LRP1B: variants seen among roughly 807,000 people sequenced by gnomAD.
LRP1B encodes LDL receptor related protein 1B.
Under a neutral mutation model 556.6 loss-of-function variants are expected in LRP1B, and 217 were observed. The ratio of observed to expected loss-of-function variants is 0.39; its 90% CI spans 0.35 to 0.44. The LOEUF is 0.44. Ranked by LOEUF, LRP1B falls within the 20% of genes least tolerant of loss-of-function variation. The pLI, the probability that LRP1B is intolerant of heterozygous loss-of-function variation, is 1.00. For synonymous variants in LRP1B, 2,047 were observed against 1,865.8 expected (o/e 1.10, Z -2.50); for missense variants, 5,053 against 5,620.8 (o/e 0.90, Z 3.23).
chr2:141,365,561 C>T (rs536024121), intron 3 of LRP1B, among the ~76,000 whole-genome samples: 10 of 148,226 alleles, frequency 6.7e-5, no homozygotes, highest in African/African-American at 2.2e-4. Context: ...AGCATGCTTA[C>T]ATTTACCTTT....
chr2:141,761,793 G>A (rs1419247852), intron 2 of LRP1B, among the ~76,000 whole-genome samples: 2 of 152,074 alleles, frequency 1.3e-5, no homozygotes, highest in African/African-American at 4.8e-5. Context: ...GAATATGCAG[G>A]CCAATCTAAT....
At chr2:141,544,576 C>T (rs1431441319) in intron 2 of LRP1B, among the ~76,000 whole-genome samples, 1 of 151,438 alleles carries the variant, frequency 6.6e-6, no homozygotes, top group Non-Finnish European at 1.5e-5. Context: ...CCGCTGCATG[C>T]AGAGAGAAGT....
intron 35 of LRP1B, among the ~76,000 whole-genome samples, chr2:140,742,389 A>T (rs1688171475): frequency 6.6e-6 from 1 of 152,310 alleles, no homozygotes; most frequent in East Asian, 1.9e-4. Context: ...CATTATTATC[A>T]TTCTAAATAT....
intron 66 of LRP1B, among the ~76,000 whole-genome samples, chr2:140,428,673 T>C (rs1460903005): frequency 2.0e-5 from 3 of 152,148 alleles, no homozygotes; most frequent in African/African-American, 7.2e-5. Flanking sequence ...TTCGAGTAAC[T>C]GTCACAGTGG....
At chr2:141,108,124 T>G (rs1321134557) in intron 7 of LRP1B, among the ~76,000 whole-genome samples, 1 of 152,094 alleles carries the variant, frequency 6.6e-6, no homozygotes, top group Admixed American at 6.5e-5. Context: ...AAGGAGGAAT[T>G]GTAATCTGCA....
chr2:140,958,420 A>G (rs1695938541), intron 18 of LRP1B, among the ~76,000 whole-genome samples: 1 of 151,676 alleles, frequency 6.6e-6, no homozygotes, highest in African/African-American at 2.4e-5. Context: ...TGGAATTACA[A>G]ACCGCATGAA....
chr2:140,506,381 A>AT (rs1272906187), intron 53 of LRP1B, among the ~76,000 whole-genome samples: 5 of 152,028 alleles, frequency 3.3e-5, no homozygotes, highest in African/African-American at 1.2e-4. Context: ...AGTAGCTGGG[A>AT]TTACAGGCAT....
intron 1 of LRP1B, among the ~76,000 whole-genome samples, chr2:141,971,368 A>G (rs548843770): frequency 1.3e-5 from 2 of 151,536 alleles, no homozygotes; most frequent in South Asian, 4.1e-4. Flanking sequence ...CCTCCTCAAT[A>G]AAAGACATCA....
At chr2:140,919,857 T>C (rs1247192116) in intron 21 of LRP1B, among the ~76,000 whole-genome samples, 2 of 152,228 alleles carry the variant, frequency 1.3e-5, no homozygotes, top group Non-Finnish European at 2.9e-5. Flanking sequence ...TTTTATTGTT[T>C]TAATGACATT....
intron 1 of LRP1B, among the ~76,000 whole-genome samples, chr2:141,961,657 T>G (rs1227978623): frequency 6.6e-6 from 1 of 151,746 alleles, no homozygotes; most frequent in Admixed American, 6.6e-5. Context: ...CATTGTATGG[T>G]GGACAGCATT....
At chr2:141,218,781 A>C (rs1682922328) in intron 6 of LRP1B, among the ~76,000 whole-genome samples, 2 of 152,204 alleles carry the variant, frequency 1.3e-5, no homozygotes, top group African/African-American at 4.8e-5. Flanking sequence ...ACAATAAAAA[A>C]ACAGAGGGGA....
In LRP1B at chr2:140,534,081, C is replaced by G. The variant is rs757662062; in HGVS notation, c.7702G>C (p.Gly2568Arg). The change falls in exon 47 of 91, where the codon GGC becomes CGC. Residue 2568 changes from glycine (G) to arginine (R), a missense_variant. Coordinates refer to ENST00000389484, the MANE Select transcript of LRP1B (RefSeq NM_018557.3). ...PCYNRRCIPHGKLCDGENDCG... is the reference protein window; with the variant it reads ...PCYNRRCIPHRKLCDGENDCG... ...TCATTTTCTCCATCACATAACTTGCCATGAGGAATGCAGCGGCGATTATAG... is the reference window on the plus strand; with the variant it reads ...TCATTTTCTCCATCACATAACTTGCGATGAGGAATGCAGCGGCGATTATAG... 6.2e-7 allele frequency: 1 copy of G among 1,613,422 alleles called. No homozygotes were observed. The highest frequency in any genetic ancestry group is 8.5e-7 in the Non-Finnish European group (1 of 1,179,608).
At chr2:141,772,973 TG>T (rs898960025) in intron 2 of LRP1B, among the ~76,000 whole-genome samples, 3 of 151,894 alleles carry the variant, frequency 2.0e-5, no homozygotes, top group African/African-American at 7.2e-5. Context: ...AAGACATCTC[TG>T]ATGTAAATGC....
At chr2:141,166,708 A>G (rs1218123102) in intron 7 of LRP1B, among the ~76,000 whole-genome samples, 2 of 149,260 alleles carry the variant, frequency 1.3e-5, no homozygotes, top group African/African-American at 4.9e-5. Flanking sequence ...ACGATAACAT[A>G]TTGTTTATAT....
At chr2:140,427,921 C>G (rs1685734540) in intron 66 of LRP1B, among the ~76,000 whole-genome samples, 1 of 152,154 alleles carries the variant, frequency 6.6e-6, no homozygotes, top group African/African-American at 2.4e-5. Context: ...CCGTGACTAG[C>G]CCTCCCCCAC....
chr2:141,386,387 T>C (rs1478802283), intron 3 of LRP1B, among the ~76,000 whole-genome samples: 1 of 152,100 alleles, frequency 6.6e-6, no homozygotes, highest in Non-Finnish European at 1.5e-5. Context: ...TTAAATGAAA[T>C]GGATGAAACT....
At chr2:141,215,990 A>G (rs1040226824) in intron 6 of LRP1B, among the ~76,000 whole-genome samples, 9 of 152,252 alleles carry the variant, frequency 5.9e-5, no homozygotes, top group African/African-American at 2.2e-4. Context: ...ATAACTAAAA[A>G]GGAGCCAAGT....
chr2:141,254,105 G>A (rs373987582), intron 4 of LRP1B, among the ~76,000 whole-genome samples: 1 of 151,888 alleles, frequency 6.6e-6, no homozygotes, highest in Non-Finnish European at 1.5e-5. Context: ...TATTGCTATG[G>A]TTAAAATGCC....
chr2:140,773,603 G>C (rs1229408813), intron 33 of LRP1B, among the ~76,000 whole-genome samples: 1 of 151,290 alleles, frequency 6.6e-6, no homozygotes, highest in Non-Finnish European at 1.5e-5. Context: ...CCATATATAA[G>C]TATTATATAT....
Sources: allele counts gnomAD v4.1 joint callset (sites outside exome capture counted in the v4.1 genomes callset), GRCh38; gene constraint gnomAD v4.1.1; transcripts MANE v1.5; gene names NCBI Gene and HGNC (gene_info 2026-07-23, HGNC 2026-07-21).